TEKT5: variants seen among roughly 807,000 people sequenced by gnomAD.
TEKT5 encodes the protein tektin 5.
Under a neutral mutation model 48.7 loss-of-function variants are expected in TEKT5, and 52 were observed. The ratio of observed to expected loss-of-function variants is 1.07; its 90% CI spans 0.86 to 1.35. The LOEUF (loss-of-function observed/expected upper bound fraction) is 1.35, where lower values mean the gene tolerates loss of function less well. Among genes scored for constraint, TEKT5 ranks in the 40% most tolerant of loss-of-function variants. TEKT5 has a pLI of 0.00. For missense variants in TEKT5, 831 were observed against 641.6 expected, an observed-to-expected ratio of 1.30 and a Z score of -3.19; for synonymous variants, 318 against 267.6, an observed-to-expected ratio of 1.19 and a Z score of -1.84.
In TEKT5 at chr16:10,627,503, T is replaced by G; in HGVS notation, c.*80A>C. 7.6e-6 allele frequency: 11 copies of G among 1,454,726 alleles called. No homozygotes were observed. The highest frequency in any genetic ancestry group is 8.6e-6 in the Non-Finnish European group (9 of 1,050,628). 90.1% of individuals were successfully genotyped at this position (1,454,726 alleles called of 1,614,324 possible). On this transcript the variant is annotated 3_prime_UTR_variant, in exon 7 of 7. Coordinates refer to ENST00000283025, the MANE Select transcript of TEKT5 (RefSeq NM_144674.2). ...TAAGAAAAAAAGAAAGTCGGCCCTT[T>G]CAAACAAAATACTGTTTTACTTTGT... is the stretch of plus-strand genomic sequence containing the variant.
intron 4 of TEKT5, among the ~76,000 whole-genome samples, chr16:10,679,109 C>T (rs1404055711): frequency 1.3e-5 from 2 of 152,122 alleles, no homozygotes; most frequent in Non-Finnish European, 2.9e-5. Flanking sequence ...TGGTACCAAC[C>T]CCCAGGGTTG....
chr16:10,673,533 G>A (rs1447753940), intron 5 of TEKT5, among the ~76,000 whole-genome samples: 1 of 151,976 alleles, frequency 6.6e-6, no homozygotes, highest in Non-Finnish European at 1.5e-5. Context: ...GCCTTCTCCA[G>A]GTATCTCACC....
At chr16:10,694,161 C>A in intron 1 of TEKT5, 149 bp downstream of exon 1, 1 of 717,784 alleles carries the variant, frequency 1.4e-6, no homozygotes, top group Non-Finnish European at 2.3e-6. Context: ...CCTGAATTGA[C>A]TAAGATTGTA....
intron 3 of TEKT5, 27 bp downstream of exon 3, chr16:10,689,226 G>T: frequency 6.4e-7 from 1 of 1,569,496 alleles, no homozygotes; most frequent in Non-Finnish European, 8.7e-7. Flanking sequence ...CCAAGGAGAG[G>T]GAATTAAAAA....
intron 6 of TEKT5, among the ~76,000 whole-genome samples, chr16:10,629,000 A>G (rs896008335): frequency 6.6e-6 from 1 of 152,208 alleles, no homozygotes; most frequent in African/African-American, 2.4e-5. Context: ...GCCAGACACA[A>G]AAGGACAAAT....
At chr16:10,664,341 C>A (rs7194053) in intron 5 of TEKT5, among the ~76,000 whole-genome samples, 65,366 of 151,646 alleles carry the variant, frequency 0.43, 14,801 homozygotes, top group East Asian at 0.64. Context: ...ATATACCTAG[C>A]GGGCTTGTTA....
At chr16:10,635,656 G>C in intron 6 of TEKT5, 108 bp downstream of exon 6, 1 of 1,479,310 alleles carries the variant, frequency 6.8e-7, no homozygotes, top group Non-Finnish European at 9.1e-7. Flanking sequence ...CTGATTGAAG[G>C]AGGGTCCATT....
chr16:10,652,145 C>T (rs60664887), intron 5 of TEKT5, among the ~76,000 whole-genome samples: 42,492 of 151,872 alleles, frequency 0.28, 6,494 homozygotes, highest in Middle Eastern at 0.42. Context: ...GACAATCCAG[C>T]AATGCGATTA....
At chr16:10,683,903 T>A (rs1898806362) in intron 3 of TEKT5, among the ~76,000 whole-genome samples, 2 of 152,236 alleles carry the variant, frequency 1.3e-5, no homozygotes, top group Non-Finnish European at 2.9e-5. Flanking sequence ...TAAAATCACT[T>A]TAAAAATGTA....
chr16:10,689,805 C>A, intron 2 of TEKT5, 137 bp downstream of exon 2: 1 of 777,540 alleles, frequency 1.3e-6, no homozygotes, highest in East Asian at 2.7e-5. Flanking sequence ...AGACCTCCAC[C>A]CATGCTTCCT....
At chr16:10,639,309 CCAAAAAA>C (rs575796119) in intron 5 of TEKT5, among the ~76,000 whole-genome samples, 209 of 142,860 alleles carry the variant, frequency 1.5e-3, no homozygotes, top group South Asian at 5.3e-3. Flanking sequence ...AACCCTATCT[CCAAAAAA>C]CAAAAAACAA....
intron 5 of TEKT5, among the ~76,000 whole-genome samples, chr16:10,673,781 G>A (rs749278901): frequency 6.6e-6 from 1 of 150,964 alleles, no homozygotes; most frequent in Non-Finnish European, 1.5e-5. Context: ...CTCCCGAGTA[G>A]CTGGAATTAC....
chr16:10,631,103 A>ACAC (rs1567223174), intron 6 of TEKT5, among the ~76,000 whole-genome samples: 16 of 140,490 alleles, frequency 1.1e-4, no homozygotes, highest in African/African-American at 4.2e-4. Flanking sequence ...CACACACACA[A>ACAC]AAATTAGCGA....
chr16:10,627,894 G>A, intron 6 of TEKT5, 95 bp from the exon 7 acceptor site: 4 of 1,211,522 alleles, frequency 3.3e-6, no homozygotes, highest in Non-Finnish European at 3.5e-6. Context: ...CCAGGCTGGA[G>A]TGCAGTGGCA....
chr16:10,629,370 C>T (rs1897802999), intron 6 of TEKT5, among the ~76,000 whole-genome samples: 1 of 151,918 alleles, frequency 6.6e-6, no homozygotes, highest in African/African-American at 2.4e-5. Flanking sequence ...CTTGCCTCAG[C>T]GTCCCAAGTA....
intron 4 of TEKT5, among the ~76,000 whole-genome samples, chr16:10,678,811 C>G (rs1898694617): frequency 1.3e-5 from 2 of 152,230 alleles, no homozygotes; most frequent in South Asian, 4.1e-4. Context: ...GAGAAAATAA[C>G]CCGCTTAATC....
At chr16:10,683,082 A>T (rs192641674) in intron 3 of TEKT5, among the ~76,000 whole-genome samples, 9 of 152,184 alleles carry the variant, frequency 5.9e-5, no homozygotes, top group Non-Finnish European at 8.8e-5. Flanking sequence ...TGAAAATATG[A>T]AACAACACAG....
chr16:10,683,890 G>A (rs1898806046), intron 3 of TEKT5, among the ~76,000 whole-genome samples: 1 of 152,218 alleles, frequency 6.6e-6, no homozygotes, highest in South Asian at 2.1e-4. Flanking sequence ...ACCGCACCTG[G>A]CCTAAAATCA....
chr16:10,694,615 A>G lies in TEKT5; in HGVS notation c.259T>C (p.Ser87Pro). 1 of 1,611,410 alleles carries G rather than the reference A, an allele frequency of 6.2e-7. No homozygotes were observed. ...ILPTLRSALF[S>P]RYSPHDWDQS... ...TCCCAGTCGTGGGGGCTATAGCGAG[A>G]GAAGAGTGCGGAGCGCAGTGTGGGC... is the stretch of plus-strand genomic sequence containing the variant. The change falls in exon 1 of 7, where the codon TCT becomes CCT. Residue 87 changes from serine (S) to proline (P), a missense_variant. Physicochemically the swap from Ser to Pro is moderately conservative, Grantham distance 74. Coordinates refer to ENST00000283025, the MANE Select transcript of TEKT5 (RefSeq NM_144674.2).
Sources: gnomAD v4.1 joint callset for allele counts (sites outside exome capture counted in the v4.1 genomes callset) on GRCh38, gnomAD v4.1.1 for gene constraint, MANE v1.5 for transcripts, NCBI Gene and HGNC (gene_info 2026-07-23, HGNC 2026-07-21) for gene names.